Variants in ROR2 observed in about 807,000 individuals in gnomAD.
ROR2 encodes the protein ROR family WNT receptor 2.
A neutral mutation model predicts 74.9 loss-of-function variants in ROR2; 33 were observed. That is an observed-to-expected ratio of 0.44 (90% CI 0.33 to 0.59). ROR2 has a LOEUF of 0.59. Ranked by LOEUF, ROR2 falls within the 20% of genes least tolerant of loss-of-function variation. The probability of loss-of-function intolerance (pLI) is 0.02; values close to 1 mark genes in which losing one functional copy is unlikely to be tolerated. For synonymous variants in ROR2, 586 were observed against 558.7 expected, an observed-to-expected ratio of 1.05 and a Z score of -0.69; for missense variants, 1,216 against 1,313.8, an observed-to-expected ratio of 0.93 and a Z score of 1.15.
intron 1 of ROR2, among the ~76,000 whole-genome samples, chr9:91,864,436 G>C (rs1309643537): frequency 6.6e-6 from 1 of 152,230 alleles, no homozygotes; most frequent in African/African-American, 2.4e-5. Context: ...GGGATAAGGA[G>C]CACTGTCAAC....
chr9:91,774,110 T>C (rs966231460), intron 2 of ROR2, among the ~76,000 whole-genome samples: 14 of 152,216 alleles, frequency 9.2e-5, no homozygotes, highest in Non-Finnish European at 1.6e-4. Context: ...AAGTTGAGAA[T>C]CTAACCAACA....
At chr9:91,827,027 T>C (rs1828315672) in intron 1 of ROR2, among the ~76,000 whole-genome samples, 1 of 152,226 alleles carries the variant, frequency 6.6e-6, no homozygotes. Context: ...CATTGACGCA[T>C]GGCCTTCTGA....
At position 91,725,025 on chromosome 9, in the gene ROR2, C is replaced by G. The variant is rs56197744; in HGVS notation, c.1469G>C (p.Gly490Ala). 1.9e-6 allele frequency: 3 copies of G among 1,614,028 alleles called. No individual in the cohort carries two copies. The highest frequency in any genetic ancestry group is 2.5e-6 in the Non-Finnish European group (3 of 1,180,048). Residue 490 changes from glycine to alanine, a missense_variant, in exon 9 of 9, where the codon GGT becomes GCT. Physicochemically the swap from Gly to Ala is moderately conservative, Grantham distance 60. Coordinates refer to ENST00000375708, the MANE Select transcript of ROR2 (RefSeq NM_004560.4). ...CCCCGGGGCAGGGCCGAACAGGTGA[C>G]CTTTGTAGACTTTCCCAAACCGGTC... ...GEDRFGKVYKGHLFGPAPGEQ... is the reference protein window; with the variant it reads ...GEDRFGKVYKAHLFGPAPGEQ...
In ROR2 at chr9:91,737,475, T is replaced by C. The variant is rs553341457; in HGVS notation, c.538A>G (p.Ile180Val). 581 of 1,614,198 alleles carry C rather than the reference T, an allele frequency of 3.6e-4. 6 individuals are homozygous for C. The South Asian group carries it at 6.1e-3, about 17-fold the overall frequency. ...EDGFCQPYRG[I>V]ACARFIGNRT... ...TTGCCAATGAAGCGTGCACAGGCAA[T>C]TCCCCGGTAAGGCTGGCAGAACCCA... is the stretch of plus-strand genomic sequence containing the variant. The change falls in exon 5 of 9, where the codon ATT becomes GTT. Residue 180 changes from isoleucine (I) to valine (V), a missense_variant. By Grantham distance (29) the Ile-to-Val change is conservative. Coordinates refer to ENST00000375708, the MANE Select transcript of ROR2 (RefSeq NM_004560.4).
chr9:91,876,373 A>AC (rs1436875734), intron 1 of ROR2, among the ~76,000 whole-genome samples: 1 of 151,760 alleles, frequency 6.6e-6, no homozygotes, highest in Non-Finnish European at 1.5e-5. Flanking sequence ...TGTCTCCAAA[A>AC]AAAAAAAGTG....
At chr9:91,848,699 G>A (rs62564596) in intron 1 of ROR2, among the ~76,000 whole-genome samples, 40,195 of 149,900 alleles carry the variant, frequency 0.27, 5,708 homozygotes, top group Admixed American at 0.43. Context: ...AGGTTGCAGT[G>A]AGCTGAGATC....
intron 1 of ROR2, among the ~76,000 whole-genome samples, chr9:91,856,578 C>T (rs993084246): frequency 3.3e-5 from 5 of 152,162 alleles, no homozygotes; most frequent in Non-Finnish European, 5.9e-5. Flanking sequence ...GGGACGACCA[C>T]GTGATGAGTC....
chr9:91,749,740 T>C (rs1825544476), intron 4 of ROR2, among the ~76,000 whole-genome samples: 1 of 152,156 alleles, frequency 6.6e-6, no homozygotes, highest in South Asian at 2.1e-4. Flanking sequence ...GATTAGGTAA[T>C]TCATTAGATG....
chr9:91,742,893 A>G (rs907129116), intron 4 of ROR2, among the ~76,000 whole-genome samples: 3 of 152,078 alleles, frequency 2.0e-5, no homozygotes, highest in African/African-American at 7.2e-5. Flanking sequence ...TTTTTATACC[A>G]TATTTTTACT....
At chr9:91,919,377 C>G (rs1025259013) in intron 1 of ROR2, among the ~76,000 whole-genome samples, 3 of 152,110 alleles carry the variant, frequency 2.0e-5, no homozygotes, top group Non-Finnish European at 4.4e-5. Flanking sequence ...CAAATTCATT[C>G]AGGATAAATT....
At chr9:91,899,465 C>A (rs1830617743) in intron 1 of ROR2, among the ~76,000 whole-genome samples, 1 of 152,138 alleles carries the variant, frequency 6.6e-6, no homozygotes, top group African/African-American at 2.4e-5. Context: ...TGCATGTGAA[C>A]ACCACCCTAC....
intron 1 of ROR2, among the ~76,000 whole-genome samples, 187 bp downstream of exon 1, chr9:91,949,680 C>G (rs1832116391): frequency 6.6e-6 from 1 of 152,180 alleles, no homozygotes; most frequent in African/African-American, 2.4e-5. Context: ...TTATTGTAAC[C>G]AGCCCGAGGG....
chr9:91,773,275 C>A (rs1466665894), intron 2 of ROR2, among the ~76,000 whole-genome samples: 2 of 152,230 alleles, frequency 1.3e-5, no homozygotes, highest in African/African-American at 4.8e-5. Context: ...AAGTTGGATT[C>A]TCGGCCGTTA....
At chr9:91,738,612 T>C (rs560646070) in intron 4 of ROR2, among the ~76,000 whole-genome samples, 98 of 152,260 alleles carry the variant, frequency 6.4e-4, no homozygotes, top group African/African-American at 2.1e-3. Flanking sequence ...AGAAAAGCAA[T>C]ACACAAATGT....
At chr9:91,920,559 A>C (rs992547653) in intron 1 of ROR2, among the ~76,000 whole-genome samples, 2 of 152,212 alleles carry the variant, frequency 1.3e-5, no homozygotes, top group Non-Finnish European at 1.5e-5. Flanking sequence ...GGAGACATTC[A>C]GAAAGAGGCA....
At chr9:91,837,911 GA>G (rs1160021840) in intron 1 of ROR2, among the ~76,000 whole-genome samples, 2 of 151,828 alleles carry the variant, frequency 1.3e-5, no homozygotes, top group African/African-American at 2.4e-5. Context: ...ACACATAAAA[GA>G]AAAAAAATCA....
intron 1 of ROR2, among the ~76,000 whole-genome samples, chr9:91,872,542 C>A (rs553785046): frequency 6.6e-6 from 1 of 152,284 alleles, no homozygotes; most frequent in Non-Finnish European, 1.5e-5. Context: ...AGTAAGTTAC[C>A]TCTTCTTTCA....
At chr9:91,794,827 T>C (rs921172534) in intron 1 of ROR2, among the ~76,000 whole-genome samples, 2 of 152,160 alleles carry the variant, frequency 1.3e-5, no homozygotes, top group African/African-American at 4.8e-5. Context: ...TTTTTAAATA[T>C]TAATGTATTA....
chr9:91,766,242 C>T (rs561099937), intron 2 of ROR2, among the ~76,000 whole-genome samples: 11 of 152,322 alleles, frequency 7.2e-5, no homozygotes, highest in Admixed American at 1.3e-4. Flanking sequence ...CTTCAGAATT[C>T]GGCCCTTGGT....
Sources: gnomAD v4.1 joint callset for allele counts (sites outside exome capture counted in the v4.1 genomes callset) on GRCh38, gnomAD v4.1.1 for gene constraint, MANE v1.5 for transcripts, NCBI Gene and HGNC (gene_info 2026-07-23, HGNC 2026-07-21) for gene names.